The following ITGA1 variants were observed in gnomAD, a reference collection of about 807,000 sequenced individuals.
The protein encoded by ITGA1 is integrin alpha-1.
In ITGA1, 85 loss-of-function variants were observed where a neutral mutation model predicts 145.9. The ratio of observed to expected loss-of-function variants is 0.58; its 90% confidence interval spans 0.49 to 0.70. The LOEUF is 0.70. Among genes scored for constraint, ITGA1 ranks in the 30% least tolerant of loss-of-function variants. The pLI is 0.00. For synonymous variants in ITGA1, 520 were observed against 495.3 expected, an observed-to-expected ratio of 1.05 and a Z score of -0.66; for missense variants, 1,351 against 1,418.7, an observed-to-expected ratio of 0.95 and a Z score of 0.77.
rs1231612588 is a variant in ITGA1 at position 52,788,456 on chromosome 5, CT to C, written c.61+44del. On this transcript the variant is annotated intron_variant, in intron 1 of 28. Transcript: ENST00000282588. Reference sequence around the variant, plus strand: ...TCTCTGAGCATCTCCTGCTCGCGGGCTTGGGGCTTGGAGCGGGGAGGGAGGT... The same window carrying C: ...TCTCTGAGCATCTCCTGCTCGCGGGCTGGGGCTTGGAGCGGGGAGGGAGGT... 6 of 1,430,056 alleles carry C rather than the reference CT, an allele frequency of 4.2e-6. No homozygotes were observed. In the South Asian group the frequency reaches 8.4e-5, roughly 20 times the overall value. 88.6% of individuals were successfully genotyped at this position (1,430,056 alleles called of 1,614,324 possible).
rs758956923 is a variant in ITGA1, at chr5:52,939,961, T to G, written c.3285+17T>G. ...TTTATAAAAGTAAGTAAATACATAG[T>G]TCTATGCACTTATTGAATAATATCA... On this transcript the variant is annotated intron_variant, in intron 26 of 28. Coordinates refer to ENST00000282588, the MANE Select transcript of ITGA1 (RefSeq NM_181501.2). 1.6e-6 allele frequency: 2 copies of G among 1,259,242 alleles called. No individual in the cohort carries two copies. Among genetic ancestry groups the G allele is most frequent in the South Asian group, 2.4e-5 (2 of 83,546 alleles). The allele number at this position is 1,259,242 out of a possible 1,614,324, so 78.0% of individuals were successfully genotyped here.
At chr5:52,873,481 T>G (rs1258501536) in intron 6 of ITGA1, among the ~76,000 whole-genome samples, 1 of 152,250 alleles carries the variant, frequency 6.6e-6, no homozygotes, top group Non-Finnish European at 1.5e-5. Context: ...TTATTATGTT[T>G]CTGAACACTT....
At chr5:52,907,147 C>T (rs889789801) in intron 12 of ITGA1, among the ~76,000 whole-genome samples, 1 of 152,218 alleles carries the variant, frequency 6.6e-6, no homozygotes, top group African/African-American at 2.4e-5. Flanking sequence ...ATCCCAGCCA[C>T]AGCAGATTCC....
rs143998376 is a variant in ITGA1 at position 52,847,590 on chromosome 5, T to C, written c.62-1775T>C. On this transcript the variant is annotated intron_variant, in intron 1 of 28. Coordinates refer to ENST00000282588, the MANE Select transcript of ITGA1 (RefSeq NM_181501.2). ...GTTTGTTTGAGACAGTCTTTCTCTG[T>C]TGCCCAGGCTGGAGTGCAGTGGCAC... is the stretch of plus-strand genomic sequence containing the variant. 1.3e-3 allele frequency among the ~76,000 whole-genome samples: 203 copies of C among 152,344 alleles called. 2 individuals carry two copies. The East Asian group carries it at 0.034, about 26-fold the overall frequency.
chr5:52,903,007 T>G (rs1051807213), intron 11 of ITGA1: 1 of 152,212 alleles, frequency 6.6e-6, no homozygotes, highest in Non-Finnish European at 1.5e-5. Context: ...TTCTTGTCTT[T>G]AGACACCCAA....
chr5:52,801,748 C>G (rs777743691), intron 1 of ITGA1: 9 of 1,613,970 alleles, frequency 5.6e-6, no homozygotes, highest in Admixed American at 1.7e-5. Context: ...TGGGGAACAG[C>G]TCAGCCAGTT....
intron 8 of ITGA1, among the ~76,000 whole-genome samples, chr5:52,889,200 C>T (rs946452694): frequency 6.6e-6 from 1 of 152,002 alleles, no homozygotes; most frequent in Non-Finnish European, 1.5e-5. Flanking sequence ...CTCCCAGGAT[C>T]AAGCAATTCT....
chr5:52,886,099 TAA>T (rs1275468678), intron 7 of ITGA1, among the ~76,000 whole-genome samples: 1 of 152,042 alleles, frequency 6.6e-6, no homozygotes, highest in Non-Finnish European at 1.5e-5. Flanking sequence ...TAAACTGGAC[TAA>T]GTGGGTAAAG....
intron 1 of ITGA1, among the ~76,000 whole-genome samples, chr5:52,838,982 A>T (rs934242831): frequency 7.2e-5 from 11 of 152,134 alleles, no homozygotes; most frequent in African/African-American, 2.7e-4. Context: ...CTCTGGTCTT[A>T]GCTACTTGGG....
In ITGA1 at chr5:52,864,792, G is replaced by A; in HGVS notation, c.325G>A (p.Val109Ile). Residue 109 changes from valine (V) to isoleucine (I), a missense_variant, in exon 4 of 29, where the codon GTA becomes ATA. Physicochemically the swap from Val to Ile is conservative, Grantham distance 29. Transcript: ENST00000282588. The part of the protein sequence containing the change: ...VNTSIPNVTE[V>I]KENMTFGSTL... Reference sequence around the variant, plus strand: ...TACATCAATTCCCAATGTCACAGAAGTAAAGGAGAACATGACATTTGGATC... The same window carrying A: ...TACATCAATTCCCAATGTCACAGAAATAAAGGAGAACATGACATTTGGATC... 6.2e-7 allele frequency: 1 copy of A among 1,612,228 alleles called. No homozygotes were observed. Among genetic ancestry groups the A allele is most frequent in the Non-Finnish European group, 8.5e-7 (1 of 1,178,730 alleles).
chr5:52,827,159 A>C (rs1244466985), intron 1 of ITGA1, among the ~76,000 whole-genome samples: 1 of 151,642 alleles, frequency 6.6e-6, no homozygotes, highest in Non-Finnish European at 1.5e-5. Flanking sequence ...GTTTAGTAGA[A>C]ACTGATTTCC....
At chr5:52,916,295 T>C (rs906444602) in intron 15 of ITGA1, among the ~76,000 whole-genome samples, 1 of 152,100 alleles carries the variant, frequency 6.6e-6, no homozygotes, top group East Asian at 1.9e-4. Flanking sequence ...TTGAAAAATA[T>C]ATAATAAATT....
chr5:52,942,734 G>T (rs1222198787), intron 26 of ITGA1, among the ~76,000 whole-genome samples: 1 of 150,682 alleles, frequency 6.6e-6, no homozygotes. Context: ...GTAGAGATGG[G>T]GTTTCACTGT....
At chr5:52,910,112 G>T in intron 13 of ITGA1, 50 bp from the exon 14 acceptor site, 1 of 1,538,176 alleles carries the variant, frequency 6.5e-7, no homozygotes, top group East Asian at 2.3e-5. Context: ...ATTCTACTCT[G>T]CTGTAGTAAT....
chr5:52,926,560 C>T lies in ITGA1; in HGVS notation c.2614-1024C>T, dbSNP rs965100859. 4.6e-5 allele frequency among the ~76,000 whole-genome samples: 7 copies of T among 152,192 alleles called. No homozygotes were observed. In the Middle Eastern group the frequency reaches 0.01, roughly 222 times the overall value. On this transcript the variant is annotated intron_variant, in intron 19 of 28. Transcript: ENST00000282588. ...GAGGTTGCAGTGAGCCGAGATTGCA[C>T]CACTGCACTCCAGCCTGGTGACAGA...
chr5:52,855,406 C>A (rs926388440), intron 2 of ITGA1, among the ~76,000 whole-genome samples: 1 of 152,138 alleles, frequency 6.6e-6, no homozygotes, highest in African/African-American at 2.4e-5. Context: ...ATTCTCAGGT[C>A]TGCCTTATTC....
intron 14 of ITGA1, among the ~76,000 whole-genome samples, chr5:52,911,419 C>G (rs1175253962): frequency 1.6e-5 from 2 of 126,524 alleles, no homozygotes; most frequent in African/African-American, 5.8e-5. Context: ...TGTATATACA[C>G]TATATAGATA....
chr5:52,865,075 T>G lies in ITGA1; in HGVS notation c.489T>G (p.Pro163=), dbSNP rs1223653179. 6.8e-6 allele frequency: 11 copies of G among 1,607,656 alleles called. No homozygotes were observed. The highest frequency in any genetic ancestry group is 9.4e-6 in the Non-Finnish European group (11 of 1,175,100). The part of the protein sequence containing the change: ...PTFQVVNSIA[P]VQECSTQLDI... The stretch of plus-strand genomic sequence containing the variant: ...TTCAAGTCGTGAATTCCATTGCCCC[T>G]GTACAAGGTACAGATTTTATGCAAT... Residue 163 remains proline, a synonymous_variant, in exon 5 of 29, where the codon CCT becomes CCG. Coordinates refer to ENST00000282588, the MANE Select transcript of ITGA1 (RefSeq NM_181501.2).
At chr5:52,948,317 TA>T (rs1411592879) in intron 28 of ITGA1, among the ~76,000 whole-genome samples, 1 of 152,210 alleles carries the variant, frequency 6.6e-6, no homozygotes, top group Non-Finnish European at 1.5e-5. Flanking sequence ...ATTGTTTTGT[TA>T]AATAGTTAAA....
Sources: allele counts gnomAD v4.1 joint callset (sites outside exome capture counted in the v4.1 genomes callset), GRCh38; gene constraint gnomAD v4.1.1; transcripts MANE v1.5; gene names NCBI Gene and HGNC (gene_info 2026-07-23, HGNC 2026-07-21).